The following GRAMD1B variants were observed in gnomAD, a reference collection of about 807,000 sequenced individuals.
GRAMD1B encodes the protein GRAM domain containing 1B, also known as protein Aster-B.
Under a neutral mutation model 99.7 loss-of-function variants are expected in GRAMD1B, and 37 were observed. The ratio of observed to expected loss-of-function variants is 0.37; its 90% CI spans 0.29 to 0.49. The LOEUF is 0.49. GRAMD1B is among the 20% of genes least tolerant of loss of function. The pLI is 0.98. For synonymous variants in GRAMD1B, 427 were observed against 387.6 expected (o/e 1.10, Z -1.19); for missense variants, 888 against 1,009.2 (o/e 0.88, Z 1.63).
At chr11:123,557,515 G>A (rs1185456323) in intron 2 of GRAMD1B, among the ~76,000 whole-genome samples, 1 of 152,190 alleles carries the variant, frequency 6.6e-6, no homozygotes, top group Non-Finnish European at 1.5e-5. Flanking sequence ...TTTTTCAACA[G>A]TAGCTATTGC....
intron 1 of GRAMD1B, among the ~76,000 whole-genome samples, chr11:123,384,420 G>C (rs1052221650): frequency 6.6e-6 from 1 of 152,140 alleles, no homozygotes; most frequent in Non-Finnish European, 1.5e-5. Flanking sequence ...TCTTTGTGCT[G>C]CTGTATTTTC....
At chr11:123,449,114 G>T (rs148670716) in intron 1 of GRAMD1B, among the ~76,000 whole-genome samples, 3 of 152,248 alleles carry the variant, frequency 2.0e-5, no homozygotes, top group African/African-American at 7.2e-5. Context: ...AGGCCTTTTC[G>T]TTTGTTTAGT....
At chr11:123,393,165 G>A (rs1947339270) in intron 1 of GRAMD1B, among the ~76,000 whole-genome samples, 1 of 152,156 alleles carries the variant, frequency 6.6e-6, no homozygotes, top group East Asian at 1.9e-4. Flanking sequence ...TTTTACAGAT[G>A]AGGAAATCAA....
At chr11:123,396,182 T>C (rs1284913945) in intron 1 of GRAMD1B, among the ~76,000 whole-genome samples, 1 of 149,744 alleles carries the variant, frequency 6.7e-6, no homozygotes, top group Non-Finnish European at 1.5e-5. Flanking sequence ...TTTTTTCTTT[T>C]TTCTTTTCTT....
chr11:123,453,998 A>C (rs1950002681), intron 1 of GRAMD1B, among the ~76,000 whole-genome samples: 1 of 152,120 alleles, frequency 6.6e-6, no homozygotes, highest in East Asian at 1.9e-4. Flanking sequence ...ACTGTTCCTC[A>C]CCTATCCCCA....
intron 1 of GRAMD1B, among the ~76,000 whole-genome samples, chr11:123,477,220 C>CT (rs1249997282): frequency 1.4e-5 from 1 of 72,582 alleles, no homozygotes; most frequent in African/African-American, 5.6e-5. Flanking sequence ...CCCCCCTCCC[C>CT]CTCCTCTCCC....
At chr11:123,540,656 A>G (rs1165970471) in intron 2 of GRAMD1B, among the ~76,000 whole-genome samples, 5 of 152,254 alleles carry the variant, frequency 3.3e-5, no homozygotes, top group Admixed American at 1.3e-4. Flanking sequence ...TAGAAAATAT[A>G]AAGAGCCAAA....
At chr11:123,578,425 T>C in intron 3 of GRAMD1B, 1 of 1,532,014 alleles carries the variant, frequency 6.5e-7, no homozygotes, top group Non-Finnish European at 8.7e-7. Flanking sequence ...CAAGCGCCTC[T>C]CAAAAGTAAG....
chr11:123,546,120 T>G (rs1227246697), intron 2 of GRAMD1B, among the ~76,000 whole-genome samples: 1 of 152,358 alleles, frequency 6.6e-6, no homozygotes, highest in Non-Finnish European at 1.5e-5. Context: ...AGGCCAGGAA[T>G]AGCTAGACAT....
At chr11:123,504,487 C>T (rs947026745) in intron 2 of GRAMD1B, among the ~76,000 whole-genome samples, 3 of 152,130 alleles carry the variant, frequency 2.0e-5, no homozygotes, top group Non-Finnish European at 2.9e-5. Context: ...CAGAAACTTC[C>T]GCTTCAAGCC....
intron 1 of GRAMD1B, among the ~76,000 whole-genome samples, chr11:123,395,536 A>T (rs1947429485): frequency 6.6e-6 from 1 of 152,210 alleles, no homozygotes; most frequent in Non-Finnish European, 1.5e-5. Context: ...ACCAAAAAGG[A>T]CAAAGAAAAT....
chr11:123,600,307 G>C (rs1480828053), intron 7 of GRAMD1B, among the ~76,000 whole-genome samples, 161 bp from the exon 8 acceptor site: 2 of 152,206 alleles, frequency 1.3e-5, no homozygotes, highest in Non-Finnish European at 2.9e-5. Flanking sequence ...CTGGTGTGCT[G>C]ACCCCATCAC....
intron 18 of GRAMD1B, 35 bp downstream of exon 18, chr11:123,618,835 A>G (rs761873623): frequency 9.6e-7 from 1 of 1,042,114 alleles, no homozygotes; most frequent in Non-Finnish European, 1.5e-6. Context: ...CTCCACCTTC[A>G]TCCCACCCAG....
chr11:123,539,809 T>C (rs749027964), intron 2 of GRAMD1B, among the ~76,000 whole-genome samples: 1 of 152,240 alleles, frequency 6.6e-6, no homozygotes, highest in Non-Finnish European at 1.5e-5. Flanking sequence ...ATCTCTGCAG[T>C]ATTTAATTCT....
At chr11:123,361,315 C>T in intron 1 of GRAMD1B, among the ~76,000 whole-genome samples, 1 of 152,208 alleles carries the variant, frequency 6.6e-6, no homozygotes, top group East Asian at 1.9e-4. Context: ...GGTGTTTCCA[C>T]TGTGCTGCTC....
intron 2 of GRAMD1B, chr11:123,526,164 C>T (rs1942714296): frequency 1.2e-6 from 2 of 1,613,130 alleles, no homozygotes; most frequent in African/African-American, 1.3e-5. Context: ...AGGATTCAAG[C>T]TCTCCTGGTA....
At chr11:123,477,835 C>T (rs1364258375) in intron 1 of GRAMD1B, among the ~76,000 whole-genome samples, 4 of 148,924 alleles carry the variant, frequency 2.7e-5, no homozygotes, top group East Asian at 2.0e-4. Flanking sequence ...AGTGTAGTGG[C>T]GCGATCTCGC....
At chr11:123,417,367 C>T (rs548206464) in intron 1 of GRAMD1B, among the ~76,000 whole-genome samples, 41 of 151,984 alleles carry the variant, frequency 2.7e-4, no homozygotes, top group Non-Finnish European at 5.0e-4. Context: ...AGTGAGACTC[C>T]GTTTCAAAGA....
At chr11:123,393,897 A>C (rs1260020300) in intron 1 of GRAMD1B, among the ~76,000 whole-genome samples, 2 of 152,202 alleles carry the variant, frequency 1.3e-5, no homozygotes, top group Non-Finnish European at 2.9e-5. Context: ...CTTTGAATAG[A>C]GTAAACCTAT....
Sources: gnomAD v4.1 joint callset for allele counts (sites outside exome capture counted in the v4.1 genomes callset) on GRCh38, gnomAD v4.1.1 for gene constraint, MANE v1.5 for transcripts, NCBI Gene and HGNC (gene_info 2026-07-23, HGNC 2026-07-21) for gene names.